The following PDZD2 variants were observed in gnomAD, a reference collection of about 807,000 sequenced individuals.
The protein encoded by PDZD2 is PDZ domain containing 2.
PDZD2 carries 90 observed loss-of-function variants against 220.7 expected under a neutral mutation model. The ratio of observed to expected loss-of-function variants is 0.41; its 90% CI spans 0.34 to 0.49. The LOEUF (loss-of-function observed/expected upper bound fraction) is 0.49, where lower values mean the gene tolerates loss of function less well. PDZD2 is among the 20% of genes least tolerant of loss of function. The pLI, the probability that PDZD2 is intolerant of heterozygous loss-of-function variation, is 0.28. For missense variants in PDZD2, 3,174 were observed against 3,608.5 expected, an observed-to-expected ratio of 0.88 and a Z score of 3.08; for synonymous variants, 1,375 against 1,450.5, an observed-to-expected ratio of 0.95 and a Z score of 1.18.
At chr5:31,879,797 A>C (rs1293341217) in intron 2 of PDZD2, among the ~76,000 whole-genome samples, 1 of 150,806 alleles carries the variant, frequency 6.6e-6, no homozygotes, top group East Asian at 1.9e-4. Context: ...AAAAATGTTT[A>C]TTTCTGGAAT....
At chr5:31,902,564 C>G (rs1581034957) in intron 2 of PDZD2, among the ~76,000 whole-genome samples, 1 of 149,418 alleles carries the variant, frequency 6.7e-6, no homozygotes, top group African/African-American at 2.5e-5. Context: ...CTCACTGCAA[C>G]CTCCTCCTCC....
intron 2 of PDZD2, among the ~76,000 whole-genome samples, chr5:31,840,313 C>A (rs1444140104): frequency 1.3e-5 from 2 of 148,890 alleles, no homozygotes; most frequent in African/African-American, 5.0e-5. Context: ...GGGAAGAAAC[C>A]TGAAAGTTTA....
chr5:31,979,339 G>A (rs1026825575), intron 2 of PDZD2, among the ~76,000 whole-genome samples: 4 of 152,152 alleles, frequency 2.6e-5, no homozygotes, highest in Non-Finnish European at 2.9e-5. Flanking sequence ...GGAGCCTGAG[G>A]TGGGTGGATC....
chr5:32,087,293 T>G lies in PDZD2; in HGVS notation c.3845T>G (p.Val1282Gly). 6.2e-7 allele frequency: 1 copy of G among 1,614,148 alleles called. No homozygotes were observed. Among genetic ancestry groups the G allele is most frequent in the Non-Finnish European group, 8.5e-7 (1 of 1,180,026 alleles). ...ACCAAGTGCAAGGCCAGGTCTCCAG[T>G]CAGGCTCCCCCATGAGGGCAGCCCC... Reference protein sequence around the residue: ...RVTKCKARSPVRLPHEGSPSP... With the variant: ...RVTKCKARSPGRLPHEGSPSP... The change falls in exon 20 of 25, where the codon GTC becomes GGC. Residue 1282 changes from valine (V) to glycine (G), a missense_variant. By Grantham distance (109) the Val-to-Gly change is moderately radical. This residue lies in a region of PDZD2 where 1,861 missense variants were observed against 2,001.0 expected (regional missense o/e 0.93). Coordinates refer to ENST00000438447, the MANE Select transcript of PDZD2 (RefSeq NM_178140.4). The surrounding 1 kb of genome is among the most constrained non-coding windows in gnomAD (Gnocchi z 4.0).
intron 19 of PDZD2, among the ~76,000 whole-genome samples, chr5:32,080,587 A>C (rs1200928500): frequency 2.0e-5 from 3 of 152,122 alleles, no homozygotes; most frequent in African/African-American, 7.2e-5. Context: ...CACTAAACCA[A>C]CATTTCCTAT....
rs985704378 is a variant in PDZD2, at chr5:31,741,194, C to T, written c.-360-57695C>T. ...GTCAGATCTTGTACAATAGTGTGTACACACACACACACACACACACACACA... is the reference window on the plus strand; with the variant it reads ...GTCAGATCTTGTACAATAGTGTGTATACACACACACACACACACACACACA... On this transcript the variant is annotated intron_variant, in intron 1 of 24. Coordinates refer to ENST00000438447, the MANE Select transcript of PDZD2 (RefSeq NM_178140.4). Among the ~76,000 whole-genome samples, 134 of 36,656 alleles carry T rather than the reference C, an allele frequency of 3.7e-3. 2 individuals carry two copies. Among genetic ancestry groups the T allele is most frequent in the African/African-American group, 0.016 (121 of 7,562 alleles). 24.0% of individuals were successfully genotyped at this position (36,656 alleles called of 152,430 possible). A position where few individuals can be genotyped will look rare whatever the true frequency, so the allele number is the denominator to read the frequency against.
chr5:31,873,944 G>A lies in PDZD2; in HGVS notation c.476+74220G>A, dbSNP rs537770309. 3.3e-5 allele frequency among the ~76,000 whole-genome samples: 5 copies of A among 151,172 alleles called. No individual in the cohort carries two copies. The East Asian group carries it at 8.0e-4, about 24-fold the overall frequency. ...GGGGTTTCTCTGTGTTGGTCAGACT[G>A]GTTGAACTCCTAACCTCAGGTGACC... On this transcript the variant is annotated intron_variant, in intron 2 of 24. Coordinates refer to ENST00000438447, the MANE Select transcript of PDZD2 (RefSeq NM_178140.4).
At position 32,000,077 on chromosome 5, in the gene PDZD2, TG is replaced by T; in HGVS notation, c.1122-60del. On this transcript the variant is annotated intron_variant, in intron 4 of 24. Transcript: ENST00000438447. This position sits in a 1 kb window ranked among gnomAD's most constrained non-coding sequence, Gnocchi z 4.5. ...CACAACCCTCCCTAGCTCCAGAAAA[TG>T]GCCCTTCTCAGGCCCAGAATGTCTT... 1 of 1,505,180 alleles carries T rather than the reference TG, an allele frequency of 6.6e-7. No homozygotes were observed. The highest frequency in any genetic ancestry group is 9.2e-7 in the Non-Finnish European group (1 of 1,088,010). The allele number at this position is 1,505,180 out of a possible 1,614,324, so 93.2% of individuals were successfully genotyped here. A position where few individuals can be genotyped will look rare whatever the true frequency, so the allele number is the denominator to read the frequency against.
chr5:31,750,380 T>C (rs907803411), intron 1 of PDZD2, among the ~76,000 whole-genome samples: 6 of 152,180 alleles, frequency 3.9e-5, no homozygotes, highest in Admixed American at 2.6e-4. Context: ...AGCTCTTATT[T>C]CAGTCATGCA....
intron 8 of PDZD2, among the ~76,000 whole-genome samples, chr5:32,051,920 T>C (rs1164816048): frequency 6.6e-6 from 1 of 152,152 alleles, no homozygotes; most frequent in Non-Finnish European, 1.5e-5. Flanking sequence ...TTTCTAACCA[T>C]GATGGTGAAC....
chr5:31,789,293 C>T (rs935441879), intron 1 of PDZD2, among the ~76,000 whole-genome samples: 1 of 152,250 alleles, frequency 6.6e-6, no homozygotes, highest in Non-Finnish European at 1.5e-5. Flanking sequence ...GTCCACTCCT[C>T]TCTGAAGGTG....
rs538319312 is a variant in PDZD2, at chr5:31,912,867, G to A, written c.477-70288G>A. ...TTCCATTCCCACGTTTCTCTCTGAAGTTCGGGCTTTCATCTGCTGGGTCCC... is the reference window on the plus strand; with the variant it reads ...TTCCATTCCCACGTTTCTCTCTGAAATTCGGGCTTTCATCTGCTGGGTCCC... On this transcript the variant is annotated intron_variant, in intron 2 of 24. Coordinates refer to ENST00000438447, the MANE Select transcript of PDZD2 (RefSeq NM_178140.4). Among the ~76,000 whole-genome samples, 7 of 152,304 alleles carry A rather than the reference G, an allele frequency of 4.6e-5. No individual in the cohort carries two copies. The East Asian group carries it at 1.4e-3, about 29-fold the overall frequency.
chr5:31,954,324 G>A (rs186766877), intron 2 of PDZD2, among the ~76,000 whole-genome samples: 3 of 152,200 alleles, frequency 2.0e-5, no homozygotes, highest in African/African-American at 4.8e-5. Flanking sequence ...AATTATAGAA[G>A]CTATTATTAT....
intron 2 of PDZD2, among the ~76,000 whole-genome samples, chr5:31,870,449 G>T (rs1187949763): frequency 6.6e-6 from 1 of 152,162 alleles, no homozygotes; most frequent in Admixed American, 6.5e-5. Context: ...TGGTTTGGAT[G>T]CTTTAGAGGT....
At chr5:32,001,933 C>A (rs1008816717) in intron 5 of PDZD2, among the ~76,000 whole-genome samples, 8 of 152,130 alleles carry the variant, frequency 5.3e-5, no homozygotes, top group Non-Finnish European at 8.8e-5. Context: ...CAATTCCAGC[C>A]GGGAAGGACA....
intron 3 of PDZD2, 95 bp downstream of exon 3, chr5:31,983,751 C>A: frequency 8.1e-7 from 1 of 1,236,220 alleles, no homozygotes; most frequent in Non-Finnish European, 1.1e-6. Flanking sequence ...ACAAGCTGGG[C>A]TCAGAACCAG....
At chr5:32,068,931 T>C (rs567006896) in intron 14 of PDZD2, among the ~76,000 whole-genome samples, 1 of 152,254 alleles carries the variant, frequency 6.6e-6, no homozygotes, top group Non-Finnish European at 1.5e-5. Context: ...AGTATACTAC[T>C]CTTGCACTAC....
intron 2 of PDZD2, among the ~76,000 whole-genome samples, chr5:31,898,808 C>CTTTTT (rs35589628): frequency 5.8e-4 from 71 of 123,438 alleles, no homozygotes; most frequent in Non-Finnish European, 7.8e-4. Flanking sequence ...AGCCTCTCTT[C>CTTTTT]TTTTTTTTTT....
Position 31,690,354 on chromosome 5 carries a change from T to C in PDZD2, c.-361+50917T>C, listed in dbSNP as rs146007421. Reference sequence around the variant, plus strand: ...TGTGCTGTGCATGCTCAGGATGTGCTTAGGAAGGGCCATGGCAGATGACGA... The same window carrying C: ...TGTGCTGTGCATGCTCAGGATGTGCCTAGGAAGGGCCATGGCAGATGACGA... On this transcript the variant is annotated intron_variant, in intron 1 of 24. Transcript: ENST00000438447. Among the ~76,000 whole-genome samples, 729 of 152,184 alleles carry C rather than the reference T, an allele frequency of 4.8e-3. 5 individuals carry two copies. The highest frequency in any genetic ancestry group is 0.017 in the African/African-American group (692 of 41,528).
Sources: gnomAD v4.1 joint callset for allele counts (sites outside exome capture counted in the v4.1 genomes callset) on GRCh38, gnomAD v4.1.1 for gene constraint, gnomAD v4.1.1 regional missense constraint, Gnocchi (gnomAD v3.1) non-coding constraint, MANE v1.5 for transcripts, NCBI Gene and HGNC (gene_info 2026-07-23, HGNC 2026-07-21) for gene names.